The following TXNL1 variants were observed in gnomAD, a reference collection of about 807,000 sequenced individuals.
TXNL1 encodes thioredoxin-like protein 1.
TXNL1 carries 14 observed loss-of-function variants against 35.5 expected under a neutral mutation model. The observed-to-expected ratio is 0.39, with a 90% CI of 0.26 to 0.62. The LOEUF is 0.62. Ranked by LOEUF, TXNL1 falls within the 20% of genes least tolerant of loss-of-function variation. The pLI is 0.47. For synonymous variants in TXNL1, 110 were observed against 115.5 expected, an observed-to-expected ratio of 0.95 and a Z score of 0.31; for missense variants, 263 against 349.7, an observed-to-expected ratio of 0.75 and a Z score of 1.98.
intron 4 of TXNL1, among the ~76,000 whole-genome samples, 189 bp from the exon 5 acceptor site, chr18:56,616,503 A>G (rs1259055067): frequency 6.6e-6 from 1 of 152,212 alleles, no homozygotes; most frequent in Non-Finnish European, 1.5e-5. Context: ...AACTACTACT[A>G]TTAGTTATGT....
In TXNL1 at chr18:56,598,390, T is replaced by G. The variant is rs2023769700; in HGVS notation, c.*4637A>C. On this transcript the variant is annotated 3_prime_UTR_variant, in exon 8 of 8. Transcript: ENST00000217515. ...GCTGAGGAGGCGTGCACAATTGTTA[T>G]GATTATTCCCGGTATCAGTTTTCCT... is the stretch of plus-strand genomic sequence containing the variant. 1 of 152,158 alleles carries G rather than the reference T, an allele frequency of 6.6e-6. No individual in the cohort carries two copies. The highest frequency in any genetic ancestry group is 1.5e-5 in the Non-Finnish European group (1 of 68,042). The allele number at this position is 152,158 out of a possible 1,614,324, so 9.4% of individuals were successfully genotyped here. A position where few individuals can be genotyped will look rare whatever the true frequency, so the allele number is the denominator to read the frequency against.
intron 7 of TXNL1, among the ~76,000 whole-genome samples, chr18:56,605,676 C>T (rs1486568324): frequency 1.3e-5 from 2 of 152,148 alleles, no homozygotes; most frequent in Non-Finnish European, 2.9e-5. Context: ...AATCCATTGA[C>T]AACAACAAAC....
chr18:56,632,065 G>C (rs997873889), intron 1 of TXNL1, among the ~76,000 whole-genome samples: 3 of 152,150 alleles, frequency 2.0e-5, no homozygotes, highest in Non-Finnish European at 4.4e-5. Flanking sequence ...GCCACCACTA[G>C]AACAGGCAAT....
In TXNL1 at chr18:56,624,309, G is replaced by A. The variant is rs750828907; in HGVS notation, c.348C>T (p.Asp116=). The A allele has an allele frequency of 6.2e-7, 1 of 1,613,438 alleles. No individual in the cohort carries two copies. The highest frequency in any genetic ancestry group is 1.1e-5 in the South Asian group (1 of 91,018). The stretch of plus-strand genomic sequence containing the variant: ...ATACATAGCCTTTTGGAATATCTGT[G>A]TCCTCATTGCTTCCAGGGTCATTTT... ...HLENDPGSNE[D]TDIPKGYMDL... Residue 116 remains aspartate (D), a synonymous_variant, in exon 3 of 8, where the codon GAC becomes GAT. Transcript: ENST00000217515.
At chr18:56,618,297 A>G (rs937793709) in intron 3 of TXNL1, among the ~76,000 whole-genome samples, 171 bp from the exon 4 acceptor site, 8 of 152,370 alleles carry the variant, frequency 5.3e-5, no homozygotes, top group African/African-American at 1.9e-4. Flanking sequence ...GAGATCTACC[A>G]TCAATTATTA....
chr18:56,634,691 A>G (rs746261542), intron 1 of TXNL1, among the ~76,000 whole-genome samples: 3 of 152,206 alleles, frequency 2.0e-5, no homozygotes, highest in Non-Finnish European at 2.9e-5. Flanking sequence ...TAAACTTAAG[A>G]GCTAAAACTA....
At chr18:56,610,934 A>G (rs781085848) in intron 7 of TXNL1, 59 bp downstream of exon 7, 1 of 1,130,250 alleles carries the variant, frequency 8.8e-7, no homozygotes, top group South Asian at 1.5e-5. Flanking sequence ...GAGATACATG[A>G]AATTATTCCA....
chr18:56,617,802 A>G (rs2024114481), intron 4 of TXNL1, among the ~76,000 whole-genome samples: 1 of 152,214 alleles, frequency 6.6e-6, no homozygotes, highest in Admixed American at 6.5e-5. Flanking sequence ...TTCTTAGTGC[A>G]CCTGGCAGCC....
chr18:56,605,485 A>AC (rs2023877000), intron 7 of TXNL1, among the ~76,000 whole-genome samples: 1 of 151,988 alleles, frequency 6.6e-6, no homozygotes, highest in African/African-American at 2.4e-5. Context: ...ATCTTTTCAC[A>AC]TGCACCTCAT....
intron 1 of TXNL1, 113 bp from the exon 2 acceptor site, chr18:56,626,570 GTTTTT>G: frequency 1.1e-6 from 1 of 948,212 alleles, no homozygotes; most frequent in Non-Finnish European, 1.5e-6. Flanking sequence ...TTGACTCTCT[GTTTTT>G]TTTGTTTTGT....
intron 5 of TXNL1, among the ~76,000 whole-genome samples, chr18:56,614,933 A>G (rs527720809): frequency 5.3e-5 from 8 of 152,312 alleles, no homozygotes; most frequent in African/African-American, 1.7e-4. Context: ...GAGGAGGTAC[A>G]AGGAAGGTGA....
chr18:56,601,508 G>A lies in TXNL1; in HGVS notation c.*1519C>T, dbSNP rs2023809855. On this transcript the variant is annotated 3_prime_UTR_variant, in exon 8 of 8. Transcript: ENST00000217515. ...CATATTAATCTTATCCTTAATTTCA[G>A]ATGTGATTAATCTGAGATGGTCTAT... 2 of 152,178 alleles carry A rather than the reference G, an allele frequency of 1.3e-5. No individual in the cohort carries two copies. The highest frequency in any genetic ancestry group is 2.1e-4 in the South Asian group (1 of 4,830). 9.4% of individuals were successfully genotyped at this position (152,178 alleles called of 1,614,324 possible).
chr18:56,637,015 TGAC>T (rs1337047050), intron 1 of TXNL1, among the ~76,000 whole-genome samples: 1 of 152,210 alleles, frequency 6.6e-6, no homozygotes, highest in Non-Finnish European at 1.5e-5. Context: ...TTTATATATA[TGAC>T]ATCACTTATC....
intron 3 of TXNL1, 150 bp downstream of exon 3, chr18:56,624,138 T>C (rs1420309947): frequency 1.1e-5 from 9 of 797,028 alleles, no homozygotes; most frequent in East Asian, 5.5e-5. Context: ...CAAAACTCAA[T>C]AGTCAGCTAA....
At chr18:56,604,345 A>G (rs187313127) in intron 7 of TXNL1, 4 of 152,368 alleles carry the variant, frequency 2.6e-5, no homozygotes, top group Admixed American at 2.0e-4. Flanking sequence ...CACAAAACAC[A>G]AAGCTATTAG....
chr18:56,624,482 A>G, intron 2 of TXNL1, 21 bp from the exon 3 acceptor site: 1 of 1,601,926 alleles, frequency 6.2e-7, no homozygotes, highest in Non-Finnish European at 8.5e-7. Flanking sequence ...CAAGTTGGAC[A>G]GTGTTATGAA....
chr18:56,612,040 TA>T, intron 6 of TXNL1, among the ~76,000 whole-genome samples: 1 of 144,432 alleles, frequency 6.9e-6, no homozygotes, highest in Non-Finnish European at 1.5e-5. Context: ...TTTTTTTTTT[TA>T]AATTTAGTAG....
At chr18:56,619,746 G>A (rs1192954153) in intron 3 of TXNL1, among the ~76,000 whole-genome samples, 2 of 151,934 alleles carry the variant, frequency 1.3e-5, no homozygotes, top group Admixed American at 1.3e-4. Flanking sequence ...GGTTGGTCAT[G>A]CTTGTCTTAT....
At chr18:56,637,814 A>G (rs981971693) in intron 1 of TXNL1, among the ~76,000 whole-genome samples, 5 of 152,258 alleles carry the variant, frequency 3.3e-5, no homozygotes, top group Admixed American at 1.3e-4. Flanking sequence ...ACCCAACGTT[A>G]ACTTAGTTCG....
Sources: gnomAD v4.1 joint callset for allele counts (sites outside exome capture counted in the v4.1 genomes callset) on GRCh38, gnomAD v4.1.1 for gene constraint, MANE v1.5 for transcripts, NCBI Gene and HGNC (gene_info 2026-07-23, HGNC 2026-07-21) for gene names.